Variants in SPAG1 observed in about 807,000 individuals in gnomAD.
SPAG1 encodes the protein sperm-associated antigen 1.
In SPAG1, 69 loss-of-function variants were observed where a neutral mutation model predicts 100.5. The observed-to-expected ratio is 0.69, with a 90% CI of 0.57 to 0.84. The LOEUF (loss-of-function observed/expected upper bound fraction) is 0.84, where lower values mean the gene tolerates loss of function less well. SPAG1 is among the 40% of genes least tolerant of loss of function. SPAG1 has a pLI of 0.00. For synonymous variants in SPAG1, 336 were observed against 411.6 expected, an observed-to-expected ratio of 0.82 and a Z score of 2.22; for missense variants, 955 against 1,133.1, an observed-to-expected ratio of 0.84 and a Z score of 2.26.
intron 3 of SPAG1, among the ~76,000 whole-genome samples, chr8:100,175,347 C>T (rs547521970): frequency 1.7e-4 from 25 of 146,930 alleles, no homozygotes; most frequent in Admixed American, 1.4e-3. Flanking sequence ...TGCAGTGGCT[C>T]GATCTTGGCT....
Position 100,225,442 on chromosome 8 carries a change from C to T in SPAG1, c.1855+103C>T, listed in dbSNP as rs181176698. 4.9e-4 allele frequency: 533 copies of T among 1,086,478 alleles called. No homozygotes were observed. In the African/African-American group the frequency reaches 7.2e-3, roughly 15 times the overall value. The allele number at this position is 1,086,478 out of a possible 1,614,324, so 67.3% of individuals were successfully genotyped here. ...AAGAGCATTAATTCTAGAATCAGAC[C>T]TAGGTTTAAGTGAAGTCCCTGTTCT... On this transcript the variant is annotated intron_variant, in intron 14 of 18. Transcript: ENST00000388798.
chr8:100,221,454 T>C (rs1321922130), intron 13 of SPAG1, among the ~76,000 whole-genome samples: 1 of 152,184 alleles, frequency 6.6e-6, no homozygotes, highest in African/African-American at 2.4e-5. Context: ...AATTAACTAG[T>C]TGGATAACAT....
In SPAG1 at chr8:100,187,222, C is replaced by T. The variant is rs1816623474; in HGVS notation, c.804C>T (p.Val268=). The T allele has an allele frequency of 6.2e-7, 1 of 1,610,604 alleles. No individual in the cohort carries two copies. The change falls in exon 8 of 19, where the codon GTC becomes GTT. Residue 268 remains valine, a synonymous_variant. Coordinates refer to ENST00000388798, the MANE Select transcript of SPAG1 (RefSeq NM_003114.5). ...WNSAFQDCEK[V]LELEPGNVKA... The stretch of plus-strand genomic sequence containing the variant: ...GTGCTTTTCAGGATTGTGAAAAGGT[C>T]TTGGAGTTAGAACCTGGAAACGTAA...
At chr8:100,179,126 T>C (rs1185073363) in intron 4 of SPAG1, among the ~76,000 whole-genome samples, 2 of 150,094 alleles carry the variant, frequency 1.3e-5, no homozygotes, top group African/African-American at 4.9e-5. Flanking sequence ...CTCACACCTG[T>C]AATCCCAGCA....
Position 100,225,173 on chromosome 8 carries a change from G to C in SPAG1, c.1689G>C (p.Arg563Ser), listed in dbSNP as rs768170577. The C allele has an allele frequency of 1.2e-6, 2 of 1,607,528 alleles. No individual in the cohort carries two copies. Among genetic ancestry groups the C allele is most frequent in the East Asian group, 2.2e-5 (1 of 44,752 alleles). The change falls in exon 14 of 19, where the codon AGG becomes AGC. Residue 563 changes from arginine to serine, a missense_variant and splice_region_variant. Transcript: ENST00000388798. ...CAGAGAAAATTCACTTTCTCTTTAG[G>C]CTATCAAGAATTTTAATGGAGCTGG... Reference protein sequence around the residue: ...GLQLANDSVNRLSRILMELDG... With the variant: ...GLQLANDSVNSLSRILMELDG...
intron 3 of SPAG1, among the ~76,000 whole-genome samples, chr8:100,166,736 T>G (rs1196074014): frequency 6.6e-6 from 1 of 152,054 alleles, no homozygotes; most frequent in Non-Finnish European, 1.5e-5. Context: ...TAGGTAGAGC[T>G]GTCTCTACAA....
intron 3 of SPAG1, among the ~76,000 whole-genome samples, chr8:100,170,366 G>GT (rs1053324332): frequency 1.3e-5 from 2 of 151,864 alleles, no homozygotes; most frequent in East Asian, 3.9e-4. Context: ...ATGAAATTTT[G>GT]TTTTTTTATT....
At chr8:100,185,778 T>A (rs879476842) in intron 7 of SPAG1, among the ~76,000 whole-genome samples, 1 of 152,204 alleles carries the variant, frequency 6.6e-6, no homozygotes, top group Non-Finnish European at 1.5e-5. Context: ...TGTTGGTGTA[T>A]CTAAAGAAGT....
chr8:100,196,894 G>A (rs185010441), intron 10 of SPAG1, among the ~76,000 whole-genome samples: 1 of 151,594 alleles, frequency 6.6e-6, no homozygotes, highest in East Asian at 1.9e-4. Flanking sequence ...TCTTCCTTCT[G>A]CTTGTTTTTA....
intron 12 of SPAG1, among the ~76,000 whole-genome samples, chr8:100,218,846 T>A (rs1818132176): frequency 6.6e-6 from 1 of 152,228 alleles, no homozygotes. Flanking sequence ...GGCAAATGAC[T>A]CAAGAGTTCC....
intron 8 of SPAG1, among the ~76,000 whole-genome samples, chr8:100,188,052 A>G (rs552612296): frequency 1.3e-5 from 2 of 152,196 alleles, no homozygotes; most frequent in African/African-American, 4.8e-5. Context: ...ACGGGGTTTC[A>G]CCATGTTGGC....
At chr8:100,218,852 G>A (rs1416025759) in intron 12 of SPAG1, among the ~76,000 whole-genome samples, 1 of 152,236 alleles carries the variant, frequency 6.6e-6, no homozygotes, top group African/African-American at 2.4e-5. Flanking sequence ...TGACTCAAGA[G>A]TTCCTTCATT....
intron 8 of SPAG1, among the ~76,000 whole-genome samples, chr8:100,188,455 T>G (rs1219568287): frequency 6.6e-6 from 1 of 152,092 alleles, no homozygotes; most frequent in African/African-American, 2.4e-5. Context: ...AAGCCTGGCC[T>G]GCTATAAATA....
intron 8 of SPAG1, among the ~76,000 whole-genome samples, chr8:100,190,651 T>A (rs571259926): frequency 6.8e-6 from 1 of 147,374 alleles, no homozygotes; most frequent in African/African-American, 2.5e-5. Flanking sequence ...GTCAGTAATA[T>A]ACTTTTTTTT....
chr8:100,220,509 A>G, intron 13 of SPAG1, 78 bp downstream of exon 13: 1 of 1,187,260 alleles, frequency 8.4e-7, no homozygotes, highest in Non-Finnish European at 1.2e-6. Flanking sequence ...AGAACATGTC[A>G]AAATATAGAT....
chr8:100,173,001 CCATTG>C lies in SPAG1; in HGVS notation c.301-4814_301-4810del, dbSNP rs572892326. On this transcript the variant is annotated intron_variant, in intron 3 of 18. Transcript: ENST00000388798. ...TTAGTTGAAGAGCCTAGGTTTTTCC[CCATTG>C]TGTGTCTTTGCTCTTCTTGACCACT... 8.8e-4 allele frequency among the ~76,000 whole-genome samples: 131 copies of C among 148,504 alleles called. 1 individual carries two copies. The highest frequency in any genetic ancestry group is 3.5e-3 in the Middle Eastern group (1 of 284).
intron 10 of SPAG1, among the ~76,000 whole-genome samples, chr8:100,203,976 T>C (rs1284096360): frequency 6.6e-6 from 1 of 152,192 alleles, no homozygotes; most frequent in African/African-American, 2.4e-5. Context: ...AATGGGGATG[T>C]GTAGGAGGAC....
intron 16 of SPAG1, among the ~76,000 whole-genome samples, chr8:100,233,899 T>TG (rs1336498084): frequency 6.6e-6 from 1 of 152,150 alleles, no homozygotes; most frequent in Non-Finnish European, 1.5e-5. Flanking sequence ...TGTTGGAGGT[T>TG]GGGTGGGGAA....
chr8:100,240,397 A>T lies in SPAG1; in HGVS notation c.2281-6A>T, dbSNP rs749565169. 3 of 1,578,724 alleles carry T rather than the reference A, an allele frequency of 1.9e-6. No individual in the cohort carries two copies. Among genetic ancestry groups the T allele is most frequent in the African/African-American group, 1.4e-5 (1 of 72,920 alleles). ...GTCACAATGCATTTTTCTTTTCTTC[A>T]TGAAGGTGAATGAAGGCAAGGAGGA... On this transcript the variant is annotated splice_region_variant and splice_polypyrimidine_tract_variant and intron_variant, in intron 17 of 18. Transcript: ENST00000388798.
Sources: gnomAD v4.1 joint callset for allele counts (sites outside exome capture counted in the v4.1 genomes callset) on GRCh38, gnomAD v4.1.1 for gene constraint, MANE v1.5 for transcripts, NCBI Gene and HGNC (gene_info 2026-07-23, HGNC 2026-07-21) for gene names.